INTS11: variants seen among roughly 807,000 people sequenced by gnomAD.
The protein encoded by INTS11 is integrator complex subunit 11, also known as CPSF3-like protein.
In INTS11, 77 loss-of-function variants were observed where a neutral mutation model predicts 78.6. That is an observed-to-expected ratio of 0.98 (90% CI 0.81 to 1.18). The LOEUF (loss-of-function observed/expected upper bound fraction) is 1.18, where lower values mean the gene tolerates loss of function less well. Ranked by LOEUF, INTS11 falls within the 50% of genes most tolerant of loss-of-function variation. The pLI is 0.00. For synonymous variants in INTS11, 441 were observed against 326.9 expected (o/e 1.35, Z -3.77); for missense variants, 875 against 825.9 (o/e 1.06, Z -0.73).
chr1:1,312,366 G>A lies in INTS11; in HGVS notation c.1467C>T (p.Asn489=), dbSNP rs1488761161. ...LHGTLIMKDS[N]FRLVSSEQAL... Reference sequence around the variant, plus strand: ...CTTGCTCTGAGGACACCAGCCGGAAGTTCTGTGGGGCAGGGACAGGTCAGT... The same window carrying A: ...CTTGCTCTGAGGACACCAGCCGGAAATTCTGTGGGGCAGGGACAGGTCAGT... The change falls in exon 15 of 17, where the codon AAC becomes AAT. Residue 489 remains asparagine (N), a splice_region_variant and synonymous_variant. Transcript: ENST00000435064. 1.9e-6 allele frequency: 3 copies of A among 1,566,438 alleles called. No individual in the cohort carries two copies. The South Asian group carries it at 3.5e-5, about 18-fold the overall frequency.
At position 1,324,564 on chromosome 1, in the gene INTS11, C is replaced by G. The variant is rs753628925; in HGVS notation, c.28+17G>C. On this transcript the variant is annotated intron_variant, in intron 1 of 16. Transcript: ENST00000435064. The stretch of plus-strand genomic sequence containing the variant: ...TACGGAGCCCACCCCACAGCCCTCC[C>G]GGCGGCTCCCACTCACCCAAGGGCG... 2 of 1,589,988 alleles carry G rather than the reference C, an allele frequency of 1.3e-6. No homozygotes were observed. Among genetic ancestry groups the G allele is most frequent in the Non-Finnish European group, 8.5e-7 (1 of 1,170,494 alleles).
intron 3 of INTS11, 87 bp from the exon 4 acceptor site, chr1:1,319,611 A>G: frequency 1.1e-6 from 1 of 893,882 alleles, no homozygotes; most frequent in Non-Finnish European, 1.7e-6. Context: ...TGGCCCCTTC[A>G]TTCGCCTGCT....
Position 1,312,062 on chromosome 1 carries a change from CAGAA to C in INTS11, c.1689_1692del (p.Ser564ArgfsTer27). The C allele has an allele frequency of 1.3e-6, 2 of 1,572,960 alleles. No homozygotes were observed. Among genetic ancestry groups the C allele is most frequent in the South Asian group, 2.3e-5 (2 of 86,538 alleles). ...AGCAGCACCTTGGTGCCTGGGTCCT[CAGAA>C]GGGGCGGCGGCCTGGAGGAGGACGG... On this transcript the variant is annotated frameshift_variant, in exon 16 of 17. Coordinates refer to ENST00000435064, the MANE Select transcript of INTS11 (RefSeq NM_017871.6). LOFTEE classifies it high-confidence loss of function.
In INTS11 at chr1:1,312,694, T is replaced by A. The variant is rs370626483; in HGVS notation, c.1301A>T (p.Asn434Ile). 3.1e-6 allele frequency: 5 copies of A among 1,593,804 alleles called. No homozygotes were observed. ...KQKIEQELRVNCYMPANGETV... is the reference protein window; with the variant it reads ...KQKIEQELRVICYMPANGETV... ...CTCGCCATTGGCCGGCATGTAGCAGTTGACCCCTGGACCCCGGGGGAAGAG... is the reference window on the plus strand; with the variant it reads ...CTCGCCATTGGCCGGCATGTAGCAGATGACCCCTGGACCCCGGGGGAAGAG... The change falls in exon 13 of 17, where the codon AAC (asparagine) becomes ATC (isoleucine). Residue 434 changes from asparagine (N) to isoleucine (I), a missense_variant. Physicochemically the swap from Asn to Ile is moderately radical, Grantham distance 149. Coordinates refer to ENST00000435064, the MANE Select transcript of INTS11 (RefSeq NM_017871.6).
At position 1,318,860 on chromosome 1, in the gene INTS11, C is replaced by G. The variant is rs1290823038; in HGVS notation, c.429+436G>C. ...TTCACCTGTCACTCGCTGATTTAACCTTCACTTCTTCCCTGACCCACACCC... is the reference window on the plus strand; with the variant it reads ...TTCACCTGTCACTCGCTGATTTAACGTTCACTTCTTCCCTGACCCACACCC... On this transcript the variant is annotated intron_variant, in intron 4 of 16. Coordinates refer to ENST00000435064, the MANE Select transcript of INTS11 (RefSeq NM_017871.6). The G allele has an allele frequency of 4.7e-6, 3 of 641,084 alleles. No homozygotes were observed. In the African/African-American group the frequency reaches 5.4e-5, roughly 12 times the overall value. 39.7% of individuals were successfully genotyped at this position (641,084 alleles called of 1,614,324 possible).
chr1:1,319,692 T>G, intron 3 of INTS11, 168 bp from the exon 4 acceptor site: 1 of 587,806 alleles, frequency 1.7e-6, no homozygotes, highest in Non-Finnish European at 3.0e-6. Flanking sequence ...CCCTGGAACT[T>G]TCAGTCTCAA....
In INTS11 at chr1:1,314,916, A is replaced by T; in HGVS notation, c.610T>A (p.Ser204Thr). The T allele has an allele frequency of 6.2e-7, 1 of 1,612,754 alleles. No individual in the cohort carries two copies. Among genetic ancestry groups the T allele is most frequent in the Non-Finnish European group, 8.5e-7 (1 of 1,179,856 alleles). The change falls in exon 7 of 17, where the codon TCC (serine) becomes ACC (threonine). Residue 204 changes from serine (S) to threonine (T), a missense_variant. Transcript: ENST00000435064. The surrounding 1 kb of genome is among the most constrained non-coding windows in gnomAD (Gnocchi z 4.2). ...TCACGGATGGTCGTGGCGTACGTGG[A>T]CTCTGTGATGAGCAGGTTGGGGCGG... The part of the protein sequence containing the change: ...KCRPNLLITE[S>T]TYATTIRDSK...
rs1642513545 is a variant in INTS11 at position 1,315,340 on chromosome 1, C to T, written c.563+64G>A. ...GGCCACTCAAGGGCTGGCACCCTGACACCTGCAAGGGTCCTGAGCTCCAGG... is the reference window on the plus strand; with the variant it reads ...GGCCACTCAAGGGCTGGCACCCTGATACCTGCAAGGGTCCTGAGCTCCAGG... On this transcript the variant is annotated intron_variant, in intron 6 of 16. Transcript: ENST00000435064. 1.9e-6 allele frequency: 3 copies of T among 1,597,716 alleles called. 1 individual carries two copies. The highest frequency in any genetic ancestry group is 2.6e-6 in the Non-Finnish European group (3 of 1,167,188).
chr1:1,319,556 C>T, intron 3 of INTS11, 32 bp from the exon 4 acceptor site: 2 of 1,478,916 alleles, frequency 1.4e-6, no homozygotes, highest in Non-Finnish European at 1.8e-6. Flanking sequence ...CAGCCTGGGC[C>T]CACCCTGCCC....
chr1:1,320,618 G>A (rs771086142), intron 2 of INTS11, 89 bp from the exon 3 acceptor site: 4 of 1,329,834 alleles, frequency 3.0e-6, no homozygotes, highest in African/African-American at 1.4e-5. Flanking sequence ...CCCCCAGGAA[G>A]GGGGGTTCTA....
intron 3 of INTS11, chr1:1,320,107 G>A (rs1232286745): frequency 1.9e-5 from 5 of 269,076 alleles, no homozygotes; most frequent in Non-Finnish European, 3.6e-5. Context: ...AGCGGGTCAT[G>A]AGCTGCTGAA....
intron 1 of INTS11, chr1:1,322,121 G>C: frequency 2.0e-6 from 1 of 491,658 alleles, no homozygotes; most frequent in Non-Finnish European, 3.4e-6. Flanking sequence ...GCTCACAGAG[G>C]CCCTCTGGCA....
intron 3 of INTS11, chr1:1,320,110 C>T: frequency 3.7e-6 from 1 of 273,910 alleles, no homozygotes; most frequent in Non-Finnish European, 7.1e-6. Context: ...GGGTCATGAG[C>T]TGCTGAACCC....
In INTS11 at chr1:1,311,735, C is replaced by T. The variant is rs2100550828; in HGVS notation, c.*124G>A. On this transcript the variant is annotated 3_prime_UTR_variant, in exon 17 of 17. Coordinates refer to ENST00000435064, the MANE Select transcript of INTS11 (RefSeq NM_017871.6). ...CCTGGGCAGGCAGGTGACACAAGGC[C>T]TCTGTCCCCAGGGATGGGACCTGCA... The T allele has an allele frequency of 4.0e-6, 4 of 1,011,094 alleles. No individual in the cohort carries two copies. The highest frequency in any genetic ancestry group is 2.5e-5 in the East Asian group (1 of 40,136). The allele number at this position is 1,011,094 out of a possible 1,614,324, so 62.6% of individuals were successfully genotyped here. A position where few individuals can be genotyped will look rare whatever the true frequency, so the allele number is the denominator to read the frequency against.
rs1172487784 is a variant in INTS11 at position 1,312,923 on chromosome 1, G to A, written c.1158C>T (p.Tyr386=). 6.2e-7 allele frequency: 1 copy of A among 1,612,216 alleles called. No homozygotes were observed. Among genetic ancestry groups the A allele is most frequent in the South Asian group, 1.1e-5 (1 of 91,066 alleles). ...QVLEVKMQVE[Y]MSFSAHADAK... is the part of the protein sequence containing the mutation. ...CGTCCGCGTGTGCGCTGAATGACATGTACTCCACCTGCATCTTGACCTCCA... is the reference window on the plus strand; with the variant it reads ...CGTCCGCGTGTGCGCTGAATGACATATACTCCACCTGCATCTTGACCTCCA... The change falls in exon 12 of 17, where the codon TAC becomes TAT. Residue 386 remains tyrosine (Y), a synonymous_variant. Coordinates refer to ENST00000435064, the MANE Select transcript of INTS11 (RefSeq NM_017871.6).
In INTS11 at chr1:1,314,752, G is replaced by C; in HGVS notation, c.702+72C>G. 6.5e-7 allele frequency: 1 copy of C among 1,546,916 alleles called. No individual in the cohort carries two copies. Among genetic ancestry groups the C allele is most frequent in the Non-Finnish European group, 8.8e-7 (1 of 1,135,950 alleles). ...CCCTGAGACCCTGACCCATGCCAAG[G>C]GCAGCCAAGCCTGCCAGAAAGACCA... On this transcript the variant is annotated intron_variant, in intron 7 of 16. Transcript: ENST00000435064. The surrounding 1 kb of genome is among the most constrained non-coding windows in gnomAD (Gnocchi z 4.2).
Position 1,320,507 on chromosome 1 carries a change from T to G in INTS11, c.149A>C (p.Tyr50Ser). The change falls in exon 3 of 17, where the codon TAC becomes TCC. Residue 50 changes from tyrosine (Y) to serine (S), a missense_variant. Tyr to Ser is a moderately radical substitution (Grantham distance 144). Coordinates refer to ENST00000435064, the MANE Select transcript of INTS11 (RefSeq NM_017871.6). ...TGTTAGGCGGCCGTTCTGGGTGATG[T>G]AGGAGAAGTCAGGGAAGCGTCGCTA... ...NDDRRFPDFS[Y>S]ITQNGRLTDF... 6.2e-7 allele frequency: 1 copy of G among 1,613,842 alleles called. No homozygotes were observed.
chr1:1,315,074 C>CT, intron 6 of INTS11, 112 bp from the exon 7 acceptor site: 1 of 1,376,726 alleles, frequency 7.3e-7, no homozygotes, highest in Non-Finnish European at 1.0e-6. Flanking sequence ...CTAGGTCACT[C>CT]TGGCTGGAAA....
Position 1,311,718 on chromosome 1 carries a change from G to A in INTS11, c.*141C>T. ...TCAGCTGCAAACAGCTGCCTGGGCA[G>A]GCAGGTGACACAAGGCCTCTGTCCC... On this transcript the variant is annotated 3_prime_UTR_variant, in exon 17 of 17. Coordinates refer to ENST00000435064, the MANE Select transcript of INTS11 (RefSeq NM_017871.6). 1 of 859,124 alleles carries A rather than the reference G, an allele frequency of 1.2e-6. No individual in the cohort carries two copies. Among genetic ancestry groups the A allele is most frequent in the Non-Finnish European group, 1.9e-6 (1 of 537,230 alleles). The allele number at this position is 859,124 out of a possible 1,614,324, so 53.2% of individuals were successfully genotyped here.
Sources: allele counts gnomAD v4.1 joint callset, GRCh38; gene constraint gnomAD v4.1.1; non-coding constraint Gnocchi (gnomAD v3.1); transcripts MANE v1.5; gene names NCBI Gene and HGNC (gene_info 2026-07-23, HGNC 2026-07-21).